GRIK1: variants seen among roughly 807,000 people sequenced by gnomAD.
GRIK1 encodes glutamate ionotropic receptor kainate type subunit 1, also known as glutamate receptor ionotropic, kainate 1.
Under a neutral mutation model 105.7 loss-of-function variants are expected in GRIK1, and 69 were observed. The observed-to-expected ratio is 0.65, with a 90% CI of 0.54 to 0.80. GRIK1 has a LOEUF of 0.80. Among genes scored for constraint, GRIK1 ranks in the 30% least tolerant of loss-of-function variants. The pLI is 0.00. For synonymous variants in GRIK1, 438 were observed against 431.3 expected, an observed-to-expected ratio of 1.02 and a Z score of -0.19; for missense variants, 1,109 against 1,167.3, an observed-to-expected ratio of 0.95 and a Z score of 0.73.
At chr21:29,889,537 G>C (rs923003285) in intron 1 of GRIK1, among the ~76,000 whole-genome samples, 2 of 150,490 alleles carry the variant, frequency 1.3e-5, no homozygotes, top group Non-Finnish European at 3.0e-5. Context: ...TTCTATTCCA[G>C]TAAATATCCT....
intron 1 of GRIK1, among the ~76,000 whole-genome samples, chr21:29,701,058 T>C (rs1482753671): frequency 6.6e-6 from 1 of 152,248 alleles, no homozygotes; most frequent in African/African-American, 2.4e-5. Context: ...GTTGTTGTTG[T>C]TGTTCTACTT....
At chr21:29,644,959 G>A (rs2062588227) in intron 6 of GRIK1, among the ~76,000 whole-genome samples, 1 of 152,154 alleles carries the variant, frequency 6.6e-6, no homozygotes, top group African/African-American at 2.4e-5. Context: ...AACTCATGGG[G>A]GGACAGGCAA....
At chr21:29,757,081 C>A (rs1038236846) in intron 1 of GRIK1, among the ~76,000 whole-genome samples, 3 of 151,992 alleles carry the variant, frequency 2.0e-5, no homozygotes, top group African/African-American at 7.3e-5. Flanking sequence ...CGCACCATTG[C>A]ACTCCAGCCT....
chr21:29,546,228 C>T (rs941548190), intron 16 of GRIK1, among the ~76,000 whole-genome samples: 1 of 152,208 alleles, frequency 6.6e-6, no homozygotes, highest in Non-Finnish European at 1.5e-5. Flanking sequence ...TCAGCCCTTC[C>T]ACACATGCCT....
intron 7 of GRIK1, among the ~76,000 whole-genome samples, chr21:29,635,526 G>GACGC (rs2062379104): frequency 3.3e-5 from 5 of 152,332 alleles, no homozygotes; most frequent in Admixed American, 2.6e-4. Flanking sequence ...TGCAGCTGAA[G>GACGC]ACGCAGAAGA....
chr21:29,851,192 C>G (rs2068294253), intron 1 of GRIK1, among the ~76,000 whole-genome samples: 1 of 151,974 alleles, frequency 6.6e-6, no homozygotes, highest in South Asian at 2.1e-4. Flanking sequence ...GTAGCTGGAA[C>G]TACAAGCGTG....
chr21:29,674,174 T>G (rs888618384), intron 3 of GRIK1, among the ~76,000 whole-genome samples: 2 of 151,826 alleles, frequency 1.3e-5, no homozygotes, highest in Non-Finnish European at 1.5e-5. Context: ...CAGATGAAAA[T>G]TGTGATATGC....
intron 1 of GRIK1, among the ~76,000 whole-genome samples, chr21:29,875,835 C>T (rs1369066165): frequency 6.6e-6 from 1 of 152,146 alleles, no homozygotes; most frequent in Admixed American, 6.5e-5. Flanking sequence ...AAAACCTCCT[C>T]ATGTTGGAGG....
intron 13 of GRIK1, among the ~76,000 whole-genome samples, chr21:29,580,138 TATACATATATATATACAC>T (rs900532827): frequency 2.8e-5 from 4 of 144,090 alleles, no homozygotes; most frequent in Admixed American, 7.0e-5. Context: ...CACACATATA[TATACATATATATATACAC>T]ATACATATAT....
At chr21:29,865,679 G>T (rs969299651) in intron 1 of GRIK1, among the ~76,000 whole-genome samples, 1 of 152,216 alleles carries the variant, frequency 6.6e-6, no homozygotes, top group Non-Finnish European at 1.5e-5. Context: ...ATTAACAATA[G>T]AAGTTTTTGA....
chr21:29,793,628 G>C (rs1012540071), intron 1 of GRIK1, among the ~76,000 whole-genome samples: 1 of 152,128 alleles, frequency 6.6e-6, no homozygotes, highest in African/African-American at 2.4e-5. Context: ...TACTAGAAGA[G>C]AAATATCCTA....
intron 6 of GRIK1, among the ~76,000 whole-genome samples, chr21:29,646,057 C>T (rs2062610594): frequency 6.6e-6 from 1 of 152,128 alleles, no homozygotes; most frequent in Non-Finnish European, 1.5e-5. Flanking sequence ...CTTGGAATAT[C>T]CCAATAAGAG....
At chr21:29,691,837 G>A (rs958358273) in intron 2 of GRIK1, among the ~76,000 whole-genome samples, 16 of 152,180 alleles carry the variant, frequency 1.1e-4, no homozygotes, top group African/African-American at 3.9e-4. Context: ...CTAAGGAACA[G>A]CAAATGTTTA....
chr21:29,673,053 A>T lies in GRIK1; in HGVS notation c.656T>A (p.Met219Lys). Residue 219 changes from methionine to lysine, a missense_variant, in exon 4 of 18, where the codon ATG becomes AAG. By Grantham distance (95) the Met-to-Lys change is moderately conservative. This residue lies in a region of GRIK1 where 612 missense variants were observed against 586.0 expected (regional missense o/e 1.04). Transcript: ENST00000327783. ...NKDAKPLLKE[M>K]KKGKEFYVIF... ...CACATAGAACTCCTTGCCTTTCTTC[A>T]TCTCCTTGAGTAAAGGCTTGGCATC... 1 of 1,613,146 alleles carries T rather than the reference A, an allele frequency of 6.2e-7. No homozygotes were observed. Among genetic ancestry groups the T allele is most frequent in the Non-Finnish European group, 8.5e-7 (1 of 1,179,196 alleles).
intron 1 of GRIK1, among the ~76,000 whole-genome samples, chr21:29,884,203 GGTTAAGTTTTCCAACAT>G (rs2069525345): frequency 6.6e-6 from 1 of 151,918 alleles, no homozygotes; most frequent in South Asian, 2.1e-4. Flanking sequence ...ACAGGCAGAG[GGTTAAGTTTTCCAACAT>G]GTATGGTTCA....
chr21:29,698,540 G>T lies in GRIK1; in HGVS notation c.119-4477C>A, dbSNP rs183404162. 2.6e-5 allele frequency among the ~76,000 whole-genome samples: 4 copies of T among 152,264 alleles called. No individual in the cohort carries two copies. The East Asian group carries it at 5.8e-4, about 22-fold the overall frequency. ...AGAAACCTCAAAATCGGCAGGCCTGGGTTGTCCATGTTCTCTTTCATTGCT... is the reference window on the plus strand; with the variant it reads ...AGAAACCTCAAAATCGGCAGGCCTGTGTTGTCCATGTTCTCTTTCATTGCT... On this transcript the variant is annotated intron_variant, in intron 1 of 17. Transcript: ENST00000327783.
intron 1 of GRIK1, among the ~76,000 whole-genome samples, chr21:29,745,541 C>T (rs1009853440): frequency 2.6e-5 from 4 of 152,110 alleles, no homozygotes; most frequent in African/African-American, 9.7e-5. Flanking sequence ...GACTTAGATC[C>T]CACAGGTAGA....
At chr21:29,751,742 G>A (rs1274536540) in intron 1 of GRIK1, among the ~76,000 whole-genome samples, 1 of 152,186 alleles carries the variant, frequency 6.6e-6, no homozygotes, top group Non-Finnish European at 1.5e-5. Flanking sequence ...ATGTCCTGGT[G>A]GGTACTGGTA....
At chr21:29,635,253 G>C (rs1447051973) in intron 7 of GRIK1, among the ~76,000 whole-genome samples, 1 of 152,198 alleles carries the variant, frequency 6.6e-6, no homozygotes, top group African/African-American at 2.4e-5. Context: ...GACACCCTCA[G>C]TGTTCCCAAT....
Sources: gnomAD v4.1 joint callset for allele counts (sites outside exome capture counted in the v4.1 genomes callset) on GRCh38, gnomAD v4.1.1 for gene constraint, gnomAD v4.1.1 regional missense constraint, MANE v1.5 for transcripts, NCBI Gene and HGNC (gene_info 2026-07-23, HGNC 2026-07-21) for gene names.